The following RAB38 variants were observed in gnomAD, a reference collection of about 807,000 sequenced individuals.
RAB38 encodes ras-related protein Rab-38.
RAB38 carries 15 observed loss-of-function variants against 18.4 expected under a neutral mutation model. That is an observed-to-expected ratio of 0.82 (90% confidence interval 0.55 to 1.26). The LOEUF is 1.26. Ranked by LOEUF, RAB38 falls within the 50% of genes most tolerant of loss-of-function variation. The pLI, the probability that RAB38 is intolerant of heterozygous loss-of-function variation, is 0.00. For synonymous variants in RAB38, 101 were observed against 104.4 expected, an observed-to-expected ratio of 0.97 and a Z score of 0.20; for missense variants, 294 against 267.4, an observed-to-expected ratio of 1.10 and a Z score of -0.69.
At chr11:88,079,842 T>C in the RAB38 span, among the ~76,000 whole-genome samples, 1 of 151,626 alleles carries the variant, frequency 6.6e-6, no homozygotes, top group Non-Finnish European at 1.5e-5. Context: ...AAGAATTGAA[T>C]TCTCATTTAA....
At chr11:88,147,738 A>T (rs1185842980) in intron 2 of RAB38, among the ~76,000 whole-genome samples, 3 of 151,880 alleles carry the variant, frequency 2.0e-5, no homozygotes, top group Non-Finnish European at 4.4e-5. Context: ...TAAAAATACA[A>T]AAAAATTAGC....
At chr11:88,051,718 A>C in the RAB38 span, among the ~76,000 whole-genome samples, 1 of 152,328 alleles carries the variant, frequency 6.6e-6, no homozygotes, top group African/African-American at 2.4e-5. Flanking sequence ...GCATTATAAA[A>C]TTGTCCCAAT....
the RAB38 span, among the ~76,000 whole-genome samples, chr11:87,966,492 T>C: frequency 6.6e-6 from 1 of 152,058 alleles, no homozygotes; most frequent in East Asian, 1.9e-4. Flanking sequence ...GATATAAATA[T>C]ATATTTCTAA....
At chr11:87,805,067 T>C in the RAB38 span, among the ~76,000 whole-genome samples, 5 of 152,176 alleles carry the variant, frequency 3.3e-5, no homozygotes, top group Non-Finnish European at 7.3e-5. Context: ...TGACTCTGTG[T>C]TCTAAGCAAT....
At chr11:88,143,889 G>C (rs967015111) in intron 2 of RAB38, among the ~76,000 whole-genome samples, 3 of 152,044 alleles carry the variant, frequency 2.0e-5, no homozygotes, top group East Asian at 3.8e-4. Context: ...TAAATTATAA[G>C]CATTGACGTA....
intron 2 of RAB38, among the ~76,000 whole-genome samples, chr11:88,146,323 AT>A (rs1942985815): frequency 6.6e-6 from 1 of 152,226 alleles, no homozygotes; most frequent in South Asian, 2.1e-4. Context: ...TTTCTGCTGG[AT>A]GTGCCCATGG....
At chr11:87,945,199 A>G in the RAB38 span, among the ~76,000 whole-genome samples, 1 of 152,146 alleles carries the variant, frequency 6.6e-6, no homozygotes, top group Admixed American at 6.6e-5. Flanking sequence ...CTGATTTTGT[A>G]TTGTATCTGA....
At chr11:87,834,141 G>A in the RAB38 span, among the ~76,000 whole-genome samples, 2 of 152,154 alleles carry the variant, frequency 1.3e-5, no homozygotes, top group South Asian at 2.1e-4. Flanking sequence ...ATGGAAAGTC[G>A]TGGTCCATTT....
the RAB38 span, among the ~76,000 whole-genome samples, chr11:87,873,405 C>T: frequency 6.6e-6 from 1 of 151,534 alleles, no homozygotes; most frequent in Non-Finnish European, 1.5e-5. Context: ...CTTGTTTTCT[C>T]ATTCTCTTGA....
chr11:87,930,640 C>T, the RAB38 span, among the ~76,000 whole-genome samples: 1 of 152,050 alleles, frequency 6.6e-6, no homozygotes, highest in Non-Finnish European at 1.5e-5. Context: ...AGCATTTGAC[C>T]ATGCCTATGT....
the RAB38 span, among the ~76,000 whole-genome samples, chr11:87,931,374 A>G: frequency 2.0e-5 from 3 of 152,200 alleles, no homozygotes; most frequent in South Asian, 4.1e-4. Flanking sequence ...CAAGTACGAG[A>G]AGAAAGAATT....
the RAB38 span, among the ~76,000 whole-genome samples, chr11:87,977,816 AAT>A: frequency 0.031 from 3,380 of 108,970 alleles, 104 homozygotes; most frequent in South Asian, 0.087. Flanking sequence ...TTATATATTA[AAT>A]ATATGTTCCT....
chr11:88,120,326 C>T (rs1293063151), intron 2 of RAB38, among the ~76,000 whole-genome samples: 3 of 152,176 alleles, frequency 2.0e-5, no homozygotes, highest in African/African-American at 7.2e-5. Context: ...TATATTTTCT[C>T]TTTCTCTTCT....
At chr11:88,041,960 C>T in the RAB38 span, among the ~76,000 whole-genome samples, 1 of 152,020 alleles carries the variant, frequency 6.6e-6, no homozygotes. Flanking sequence ...TTATTCCTGC[C>T]TTATTAAAAT....
chr11:88,027,833 G>A, the RAB38 span, among the ~76,000 whole-genome samples: 1 of 152,200 alleles, frequency 6.6e-6, no homozygotes, highest in African/African-American at 2.4e-5. Flanking sequence ...AGTAACCTCT[G>A]CAGACTTAAA....
chr11:88,038,202 C>T, the RAB38 span, among the ~76,000 whole-genome samples: 1 of 152,230 alleles, frequency 6.6e-6, no homozygotes, highest in African/African-American at 2.4e-5. Flanking sequence ...GGGGTTTTCC[C>T]CAGCAGAAAG....
At chr11:88,016,780 G>C in the RAB38 span, among the ~76,000 whole-genome samples, 1 of 152,098 alleles carries the variant, frequency 6.6e-6, no homozygotes, top group Non-Finnish European at 1.5e-5. Context: ...TTTTGGCCTA[G>C]TTCTGACACT....
chr11:88,151,581 G>A (rs759926087), intron 1 of RAB38, among the ~76,000 whole-genome samples: 26 of 152,114 alleles, frequency 1.7e-4, no homozygotes, highest in Non-Finnish European at 3.2e-4. Flanking sequence ...AAGTTAGTGT[G>A]CATTTAACAA....
chr11:88,089,082 T>C, the RAB38 span, among the ~76,000 whole-genome samples: 704 of 152,118 alleles, frequency 4.6e-3, 3 homozygotes, highest in African/African-American at 0.016. Context: ...AAACTATTTA[T>C]GACATTACAA....
Sources: allele counts gnomAD v4.1 joint callset (sites outside exome capture counted in the v4.1 genomes callset), GRCh38; gene constraint gnomAD v4.1.1; transcripts MANE v1.5; gene names NCBI Gene and HGNC (gene_info 2026-07-23, HGNC 2026-07-21).